Variants in CSMD3 observed in about 807,000 individuals in gnomAD.
CSMD3 encodes CUB and Sushi multiple domains 3.
A neutral mutation model predicts 435.2 loss-of-function variants in CSMD3; 177 were observed. The observed-to-expected ratio is 0.41, with a 90% CI of 0.36 to 0.46. The LOEUF (loss-of-function observed/expected upper bound fraction) is 0.46. Ranked by LOEUF, CSMD3 falls within the 20% of genes least tolerant of loss-of-function variation. CSMD3 has a pLI of 0.34. For synonymous variants in CSMD3, 1,656 were observed against 1,520.5 expected, an observed-to-expected ratio of 1.09 and a Z score of -2.07; for missense variants, 4,265 against 4,504.6, an observed-to-expected ratio of 0.95 and a Z score of 1.52.
chr8:113,043,334 T>A (rs2087702208), intron 5 of CSMD3, among the ~76,000 whole-genome samples: 1 of 152,206 alleles, frequency 6.6e-6, no homozygotes, highest in African/African-American at 2.4e-5. Context: ...ACAGGTTTTA[T>A]TCTTTTTGTA....
intron 18 of CSMD3, among the ~76,000 whole-genome samples, chr8:112,651,088 A>T (rs1005793967): frequency 6.6e-6 from 1 of 152,168 alleles, no homozygotes; most frequent in Non-Finnish European, 1.5e-5. Context: ...AATAACAAAT[A>T]TCTCCAAATA....
chr8:112,732,623 T>C (rs751217921), intron 13 of CSMD3, among the ~76,000 whole-genome samples: 21 of 149,472 alleles, frequency 1.4e-4, no homozygotes, highest in Non-Finnish European at 2.8e-4. Flanking sequence ...TCCCAGCTAC[T>C]TGGGAGGCAG....
chr8:113,386,836 C>T (rs570631165), intron 1 of CSMD3, among the ~76,000 whole-genome samples: 7 of 151,954 alleles, frequency 4.6e-5, no homozygotes, highest in South Asian at 2.1e-4. Context: ...CAAACTATTA[C>T]TTCAAATGTT....
intron 1 of CSMD3, among the ~76,000 whole-genome samples, chr8:113,386,322 G>A (rs1427842909): frequency 6.6e-6 from 1 of 151,850 alleles, no homozygotes; most frequent in Non-Finnish European, 1.5e-5. Flanking sequence ...GTGGGCTCCT[G>A]AGCAAATTAT....
At chr8:113,048,083 CTTTTTT>C (rs35254619) in intron 5 of CSMD3, among the ~76,000 whole-genome samples, 1 of 106,944 alleles carries the variant, frequency 9.4e-6, no homozygotes. Context: ...AACTTCAATT[CTTTTTT>C]TTTTTTTTTT....
At chr8:113,062,784 T>C (rs78877808) in intron 5 of CSMD3, among the ~76,000 whole-genome samples, 1 of 151,992 alleles carries the variant, frequency 6.6e-6, no homozygotes, top group East Asian at 1.9e-4. Flanking sequence ...GCATATTATA[T>C]TGAGCCATTA....
chr8:112,783,412 A>AGGAGGGGGGGAGGGAGGGAGGGAG (rs2078444568), intron 13 of CSMD3, among the ~76,000 whole-genome samples: 1 of 78,858 alleles, frequency 1.3e-5, no homozygotes, highest in African/African-American at 5.7e-5. Context: ...GAAGGAAGGA[A>AGGAGGGGGGGAGGGAGGGAGGGAG]GGAGGGAGGG....
intron 22 of CSMD3, among the ~76,000 whole-genome samples, chr8:112,629,067 T>C (rs1015717729): frequency 6.6e-6 from 1 of 152,060 alleles, no homozygotes; most frequent in African/African-American, 2.4e-5. Flanking sequence ...ACTATTACAG[T>C]AATAAGGTAG....
chr8:112,357,121 A>C (rs1395165081), intron 38 of CSMD3, among the ~76,000 whole-genome samples: 6 of 152,166 alleles, frequency 3.9e-5, no homozygotes, highest in Non-Finnish European at 8.8e-5. Flanking sequence ...GGCTTTGACA[A>C]AAATGCTGAT....
chr8:112,815,106 GA>G (rs1376813490), intron 12 of CSMD3, among the ~76,000 whole-genome samples: 19 of 150,774 alleles, frequency 1.3e-4, no homozygotes, highest in African/African-American at 4.6e-4. Context: ...AAAAAAAAAA[GA>G]AAAAACCCTA....
intron 11 of CSMD3, among the ~76,000 whole-genome samples, chr8:112,847,227 A>G (rs1346189997): frequency 6.6e-6 from 1 of 151,980 alleles, no homozygotes; most frequent in Admixed American, 6.6e-5. Flanking sequence ...CCTTTCTGTT[A>G]TCTGTTCATT....
At chr8:113,302,039 G>A (rs886725360) in intron 2 of CSMD3, among the ~76,000 whole-genome samples, 1 of 150,908 alleles carries the variant, frequency 6.6e-6, no homozygotes, top group African/African-American at 2.4e-5. Flanking sequence ...TTTTATGGTT[G>A]CCTGGCTTAA....
chr8:113,307,898 G>C (rs1195575734), intron 2 of CSMD3, among the ~76,000 whole-genome samples: 1 of 152,128 alleles, frequency 6.6e-6, no homozygotes, highest in Non-Finnish European at 1.5e-5. Context: ...ACACAGCTTA[G>C]AAAAGCTATT....
intron 13 of CSMD3, among the ~76,000 whole-genome samples, chr8:112,736,666 T>C (rs1271275810): frequency 7.2e-5 from 11 of 152,006 alleles, no homozygotes; most frequent in Admixed American, 4.6e-4. Flanking sequence ...ATCTATAATA[T>C]TGTAATTCCA....
chr8:112,264,809 T>C (rs949588338), intron 60 of CSMD3, among the ~76,000 whole-genome samples: 3 of 152,088 alleles, frequency 2.0e-5, no homozygotes, highest in Non-Finnish European at 4.4e-5. Context: ...TTGTCTGACA[T>C]TGCATGTACA....
intron 1 of CSMD3, among the ~76,000 whole-genome samples, chr8:113,349,432 A>G (rs1481476162): frequency 6.6e-6 from 1 of 152,144 alleles, no homozygotes; most frequent in Non-Finnish European, 1.5e-5. Context: ...GCATTTATAC[A>G]GACATCTAAA....
chr8:112,600,993 A>G lies in CSMD3; in HGVS notation c.3716-13758T>C, dbSNP rs146088389. The stretch of plus-strand genomic sequence containing the variant: ...CCCCACGATCCTTATATACTTCTCT[A>G]GACCCTGTGAAAACCCAATAAATAC... On this transcript the variant is annotated intron_variant, in intron 22 of 70. Transcript: ENST00000297405. Among the ~76,000 whole-genome samples the G allele has an allele frequency of 1.7e-3, 259 of 152,126 alleles. 3 individuals carry two copies. The highest frequency in any genetic ancestry group is 6.0e-3 in the African/African-American group (249 of 41,518).
chr8:113,329,971 A>T (rs1157938659), intron 1 of CSMD3, among the ~76,000 whole-genome samples: 1 of 152,178 alleles, frequency 6.6e-6, no homozygotes, highest in East Asian at 1.9e-4. Context: ...ATGGAAAAGC[A>T]TGATGCAGCA....
At chr8:113,383,796 A>G (rs553740128) in intron 1 of CSMD3, among the ~76,000 whole-genome samples, 1 of 152,254 alleles carries the variant, frequency 6.6e-6, no homozygotes, top group African/African-American at 2.4e-5. Context: ...GTGTTTTATT[A>G]TCAGTAATTC....
Sources: gnomAD v4.1 joint callset for allele counts (sites outside exome capture counted in the v4.1 genomes callset) on GRCh38, gnomAD v4.1.1 for gene constraint, MANE v1.5 for transcripts, NCBI Gene and HGNC (gene_info 2026-07-23, HGNC 2026-07-21) for gene names.